The following COL5A1 variants were observed in gnomAD, a reference collection of about 807,000 sequenced individuals.
The protein encoded by COL5A1 is collagen alpha-1(V) chain.
Under a neutral mutation model 263.7 loss-of-function variants are expected in COL5A1, and 16 were observed. The ratio of observed to expected loss-of-function variants is 0.06; its 90% CI spans 0.04 to 0.09. COL5A1 has a LOEUF of 0.09. Ranked by LOEUF, COL5A1 falls within the 10% of genes least tolerant of loss-of-function variation. The pLI is 1.00. For missense variants in COL5A1, 2,036 were observed against 2,540.5 expected (o/e 0.80, Z 4.27); for synonymous variants, 1,012 against 1,004.5 (o/e 1.01, Z -0.14).
chr9:134,835,267 C>A, intron 65 of COL5A1, 63 bp downstream of exon 65: 1 of 1,446,208 alleles, frequency 6.9e-7, no homozygotes, highest in Non-Finnish European at 9.6e-7. Context: ...GCTCCTCACT[C>A]AGCACGGGTT....
At chr9:134,690,307 A>G (rs1157406973) in intron 1 of COL5A1, among the ~76,000 whole-genome samples, 1 of 92,986 alleles carries the variant, frequency 1.1e-5, no homozygotes, top group Non-Finnish European at 3.2e-5. Context: ...CCAGGTGGAT[A>G]ATGACGGGGG....
chr9:134,702,035 T>C (rs997097398), intron 4 of COL5A1, among the ~76,000 whole-genome samples: 7 of 152,106 alleles, frequency 4.6e-5, no homozygotes, highest in African/African-American at 1.7e-4. Context: ...GGTGGGGGCG[T>C]TGGAGTCACC....
intron 31 of COL5A1, 135 bp downstream of exon 31, chr9:134,786,183 T>C: frequency 1.2e-6 from 1 of 855,190 alleles, no homozygotes; most frequent in Admixed American, 2.1e-5. Context: ...CTGGCCATGT[T>C]ACGTGTCCTG....
chr9:134,645,407 G>A (rs189222230), intron 1 of COL5A1, among the ~76,000 whole-genome samples: 2 of 152,350 alleles, frequency 1.3e-5, no homozygotes, highest in East Asian at 3.9e-4. Context: ...TAGGGGCTGT[G>A]CAGAGCAGTG....
chr9:134,818,391 C>T lies in COL5A1; in HGVS notation c.4231-265C>T, dbSNP rs1838849959. ...GGGAGGTTGTGCGGTTCCATCCCTG[C>T]TCGGGCAGTGGCGCTGTGACACCCG... On this transcript the variant is annotated intron_variant, in intron 54 of 65. Coordinates refer to ENST00000371817, the MANE Select transcript of COL5A1 (RefSeq NM_000093.5). This position sits in a 1 kb window ranked among gnomAD's most constrained non-coding sequence, Gnocchi z 6.0. Among the ~76,000 whole-genome samples, 1 of 152,188 alleles carries T rather than the reference C, an allele frequency of 6.6e-6. No homozygotes were observed.
At chr9:134,788,868 A>T (rs1837567647) in intron 31 of COL5A1, among the ~76,000 whole-genome samples, 1 of 107,496 alleles carries the variant, frequency 9.3e-6, no homozygotes, top group Admixed American at 1.3e-4. Flanking sequence ...GGATAGGTAG[A>T]CAGGCAGATA....
chr9:134,816,021 G>A, intron 52 of COL5A1, 33 bp downstream of exon 52: 1 of 1,610,522 alleles, frequency 6.2e-7, no homozygotes, highest in Non-Finnish European at 8.5e-7. Context: ...CTTCCTGGTG[G>A]AGGTGTCAGT....
intron 25 of COL5A1, among the ~76,000 whole-genome samples, chr9:134,771,198 C>T (rs984037643): frequency 6.6e-6 from 1 of 152,270 alleles, no homozygotes; most frequent in African/African-American, 2.4e-5. Flanking sequence ...CGGTCCAGAG[C>T]CGGGCTCTCG....
At chr9:134,734,055 C>T (rs1477968269) in intron 9 of COL5A1, among the ~76,000 whole-genome samples, 1 of 152,040 alleles carries the variant, frequency 6.6e-6, no homozygotes, top group Non-Finnish European at 1.5e-5. Flanking sequence ...CGTGTTGGCT[C>T]ATGTTCCCGA....
At chr9:134,817,137 C>T (rs1437519956) in intron 53 of COL5A1, 58 bp downstream of exon 53, 3 of 1,485,644 alleles carry the variant, frequency 2.0e-6, no homozygotes, top group Admixed American at 3.4e-5. Context: ...ACACCCCCGC[C>T]CCTCCCCGTC....
chr9:134,705,216 G>C (rs1169541464), intron 4 of COL5A1, among the ~76,000 whole-genome samples: 1 of 152,232 alleles, frequency 6.6e-6, no homozygotes, highest in Non-Finnish European at 1.5e-5. Context: ...ATGCGCCCTT[G>C]AGGGACAGAG....
intron 4 of COL5A1, among the ~76,000 whole-genome samples, chr9:134,707,119 G>A (rs1477657966): frequency 6.6e-6 from 1 of 152,202 alleles, no homozygotes. Flanking sequence ...GCCGTGGAAG[G>A]CCCCTCCTCT....
rs915324484 is a variant in COL5A1, at chr9:134,789,548, T to C, written c.2700+340T>C. Among the ~76,000 whole-genome samples the C allele has an allele frequency of 1.3e-5, 2 of 152,244 alleles. No individual in the cohort carries two copies. The highest frequency in any genetic ancestry group is 4.8e-5 in the African/African-American group (2 of 41,462). On this transcript the variant is annotated intron_variant, in intron 32 of 65. Transcript: ENST00000371817. The surrounding 1 kb of genome is among the most constrained non-coding windows in gnomAD (Gnocchi z 4.8). ...ACCCAAGTGGGCTTTTCCTCCAAGCTAATTTTAAAAGGAAGGGAAAAAGGA... is the reference window on the plus strand; with the variant it reads ...ACCCAAGTGGGCTTTTCCTCCAAGCCAATTTTAAAAGGAAGGGAAAAAGGA...
intron 44 of COL5A1, chr9:134,810,555 A>G (rs1838486066): frequency 1.9e-6 from 1 of 539,038 alleles, no homozygotes. Flanking sequence ...AATTAAATAA[A>G]TGGAGTGTTT....
intron 14 of COL5A1, among the ~76,000 whole-genome samples, chr9:134,753,629 C>T (rs1835868670): frequency 6.6e-6 from 1 of 152,210 alleles, no homozygotes; most frequent in Non-Finnish European, 1.5e-5. Flanking sequence ...AATTGTATTC[C>T]TGATTAGGAA....
intron 1 of COL5A1, among the ~76,000 whole-genome samples, chr9:134,670,487 C>A (rs767183273): frequency 6.6e-6 from 1 of 152,214 alleles, no homozygotes; most frequent in Non-Finnish European, 1.5e-5. Context: ...TTACTTCCCC[C>A]TCTCTGCTCC....
Position 134,762,938 on chromosome 9 carries a change from G to A in COL5A1, c.1990-755G>A, listed in dbSNP as rs533797511. On this transcript the variant is annotated intron_variant, in intron 19 of 65. Transcript: ENST00000371817. ...GCATGTGTATGTGCAGGGAGTGCAC[G>A]TATCTGTGTGCATGCATGCACGCAT... Among the ~76,000 whole-genome samples, 5 of 152,252 alleles carry A rather than the reference G, an allele frequency of 3.3e-5. No individual in the cohort carries two copies. The East Asian group carries it at 9.7e-4, about 29-fold the overall frequency.
At chr9:134,840,874 G>A (rs762022160) in intron 65 of COL5A1, among the ~76,000 whole-genome samples, 10 of 152,144 alleles carry the variant, frequency 6.6e-5, no homozygotes, top group Non-Finnish European at 1.2e-4. Context: ...CCATCGAACG[G>A]CCCCACCTCC....
rs115997649 is a variant in COL5A1 at position 134,657,918 on chromosome 9, G to C, written c.109+15622G>C. Among the ~76,000 whole-genome samples the C allele has an allele frequency of 7.5e-3, 1,145 of 152,030 alleles. 13 individuals are homozygous for C. The highest frequency in any genetic ancestry group is 0.032 in the East Asian group (163 of 5,162). On this transcript the variant is annotated intron_variant, in intron 1 of 65. Coordinates refer to ENST00000371817, the MANE Select transcript of COL5A1 (RefSeq NM_000093.5). ...GAAGGTGTGGGTTCCTGGTGTCACAGGCTGGTGAGGAGTGGGGAGACCAGG... is the reference window on the plus strand; with the variant it reads ...GAAGGTGTGGGTTCCTGGTGTCACACGCTGGTGAGGAGTGGGGAGACCAGG...
Sources: gnomAD v4.1 joint callset for allele counts (sites outside exome capture counted in the v4.1 genomes callset) on GRCh38, gnomAD v4.1.1 for gene constraint, Gnocchi (gnomAD v3.1) non-coding constraint, MANE v1.5 for transcripts, NCBI Gene and HGNC (gene_info 2026-07-23, HGNC 2026-07-21) for gene names.